SMG1: variants seen among roughly 807,000 people sequenced by gnomAD.
SMG1 encodes SMG1 nonsense mediated mRNA decay associated PI3K related kinase.
A neutral mutation model predicts 419.9 loss-of-function variants in SMG1; 22 were observed. The ratio of observed to expected loss-of-function variants is 0.05; its 90% confidence interval spans 0.04 to 0.07. SMG1 has a LOEUF of 0.07. SMG1 is among the 10% of genes least tolerant of loss of function. The pLI is 1.00. For synonymous variants in SMG1, 1,538 were observed against 1,553.5 expected, an observed-to-expected ratio of 0.99 and a Z score of 0.23; for missense variants, 3,185 against 4,342.0, an observed-to-expected ratio of 0.73 and a Z score of 7.49.
intron 25 of SMG1, chr16:18,861,606 C>T (rs1321609903): frequency 2.0e-5 from 3 of 152,252 alleles, no homozygotes; most frequent in Admixed American, 1.3e-4. Context: ...CTACCTAGAT[C>T]CGTGCAACCA....
At chr16:18,907,868 A>AAAAAG (rs1555505977) in intron 1 of SMG1, among the ~76,000 whole-genome samples, 6 of 142,778 alleles carry the variant, frequency 4.2e-5, no homozygotes, top group African/African-American at 1.1e-4. Context: ...AAAAAAAAAA[A>AAAAAG]AGAGACCCTA....
rs927745027 is a variant in SMG1, at chr16:18,877,071, A to G, written c.1620+60T>C. The G allele has an allele frequency of 1.2e-5, 15 of 1,229,926 alleles. No homozygotes were observed. The African/African-American group carries it at 1.9e-4, about 16-fold the overall frequency. 76.2% of individuals were successfully genotyped at this position (1,229,926 alleles called of 1,614,324 possible). A position where few individuals can be genotyped will look rare whatever the true frequency, so the allele number is the denominator to read the frequency against. On this transcript the variant is annotated intron_variant, in intron 12 of 62. Transcript: ENST00000446231. ...TCACTTATACAGCCTGGTAAGCAAC[A>G]TTAGGTCCAACTCTTCAGTGACTCA...
At position 18,807,265 on chromosome 16, in the gene SMG1, TA is replaced by T. The variant is rs1003325817; in HGVS notation, c.*2303del. 6.6e-6 allele frequency: 1 copy of T among 152,234 alleles called. No individual in the cohort carries two copies. The highest frequency in any genetic ancestry group is 1.5e-5 in the Non-Finnish European group (1 of 68,032). The allele number at this position is 152,234 out of a possible 1,614,324, so 9.4% of individuals were successfully genotyped here. A position where few individuals can be genotyped will look rare whatever the true frequency, so the allele number is the denominator to read the frequency against. On this transcript the variant is annotated 3_prime_UTR_variant, in exon 63 of 63. Coordinates refer to ENST00000446231, the MANE Select transcript of SMG1 (RefSeq NM_015092.5). ...TAATGTGAACTGACTATCATTGCGA[TA>T]AAAGTTTTTCCTTATGATGACAATA...
chr16:18,818,314 G>GAATCACT (rs2032202349), intron 56 of SMG1, among the ~76,000 whole-genome samples: 1 of 152,120 alleles, frequency 6.6e-6, no homozygotes, highest in Non-Finnish European at 1.5e-5. Flanking sequence ...GAACTCGGGA[G>GAATCACT]GCAGAGGTTG....
intron 37 of SMG1, 85 bp from the exon 38 acceptor site, chr16:18,847,692 G>A: frequency 6.3e-7 from 1 of 1,587,246 alleles, no homozygotes; most frequent in Non-Finnish European, 8.6e-7. Context: ...TAAGTTAAGT[G>A]TGTGCAATTG....
At chr16:18,875,744 CAGAA>C (rs1477806264) in intron 13 of SMG1, 27 of 279,090 alleles carry the variant, frequency 9.7e-5, no homozygotes, top group East Asian at 7.2e-4. Context: ...CTTCAGTAGA[CAGAA>C]AGAAAAAAGT....
chr16:18,849,925 T>C (rs769113621), intron 35 of SMG1, 24 bp downstream of exon 35: 92 of 1,595,760 alleles, frequency 5.8e-5, no homozygotes, highest in Non-Finnish European at 7.2e-5. Context: ...CTATTTTTCC[T>C]GAAACATTTT....
At position 18,838,418 on chromosome 16, in the gene SMG1, T is replaced by C; in HGVS notation, c.7133A>G (p.Asn2378Ser). 6.2e-7 allele frequency: 1 copy of C among 1,613,960 alleles called. No homozygotes were observed. Among genetic ancestry groups the C allele is most frequent in the Non-Finnish European group, 8.5e-7 (1 of 1,179,860 alleles). ...AGTTACACCCAGTGCTGTTTCAATG[T>C]TTTGTGTCATTCGAAAAGGTACTTT... is the stretch of plus-strand genomic sequence containing the variant. ...PEKVPFRMTQ[N>S]IETALGVTGV... Residue 2378 changes from asparagine to serine, a missense_variant, in exon 44 of 63, where the codon AAC becomes AGC. By Grantham distance (46) the Asn-to-Ser change is conservative. This residue lies in a region of SMG1 where 60 missense variants were observed against 133.9 expected (regional missense o/e 0.45). Coordinates refer to ENST00000446231, the MANE Select transcript of SMG1 (RefSeq NM_015092.5).
chr16:18,811,632 C>A lies in SMG1; in HGVS notation c.10908+129G>T. ...ACGCCAGAGCTGTGTTACTCAAAAT[C>A]TTCTGAATCCTGAAAACACATTTAA... On this transcript the variant is annotated intron_variant, in intron 62 of 62. Coordinates refer to ENST00000446231, the MANE Select transcript of SMG1 (RefSeq NM_015092.5). The A allele has an allele frequency of 1.4e-5, 12 of 874,892 alleles. No homozygotes were observed. The South Asian group carries it at 1.9e-4, about 14-fold the overall frequency. The allele number at this position is 874,892 out of a possible 1,614,324, so 54.2% of individuals were successfully genotyped here.
chr16:18,844,617 ACTTCATC>A (rs1938057158), intron 39 of SMG1, among the ~76,000 whole-genome samples: 1 of 137,944 alleles, frequency 7.2e-6, no homozygotes, highest in South Asian at 2.2e-4. Context: ...CACATAATAA[ACTTCATC>A]CTTCATGTTA....
At chr16:18,924,264 T>C (rs899020593) in intron 1 of SMG1, among the ~76,000 whole-genome samples, 3 of 152,304 alleles carry the variant, frequency 2.0e-5, no homozygotes, top group African/African-American at 7.2e-5. Flanking sequence ...CATAACTACA[T>C]AAGCCATTTG....
At chr16:18,831,128 A>G (rs1206323679) in intron 51 of SMG1, among the ~76,000 whole-genome samples, 1 of 152,150 alleles carries the variant, frequency 6.6e-6, no homozygotes, top group Non-Finnish European at 1.5e-5. Context: ...GGTCTTCAGA[A>G]ATTCACCCCT....
rs1012249970 is a variant in SMG1 at position 18,912,526 on chromosome 16, GATTA to G, written c.92+13420_92+13423del. The stretch of plus-strand genomic sequence containing the variant: ...ATATTAGAGTGGGGAGAACAATAAT[GATTA>G]ATTTTTACTTCTTCAGTAAGATTAC... On this transcript the variant is annotated intron_variant, in intron 1 of 62. Transcript: ENST00000446231. Among the ~76,000 whole-genome samples the G allele has an allele frequency of 1.6e-4, 25 of 152,002 alleles. 2 individuals carry two copies. In the East Asian group the frequency reaches 2.0e-3, roughly 12 times the overall value.
chr16:18,880,047 A>G (rs2036314521), intron 10 of SMG1, among the ~76,000 whole-genome samples: 1 of 152,172 alleles, frequency 6.6e-6, no homozygotes, highest in South Asian at 2.1e-4. Flanking sequence ...CACCACCACA[A>G]CAGTAATGGT....
Position 18,858,278 on chromosome 16 carries a change from G to A in SMG1, c.4126C>T (p.Pro1376Ser), listed in dbSNP as rs2035027688. ...NRLSTEDCLIPLFSEALRSCK... is the reference protein window; with the variant it reads ...NRLSTEDCLISLFSEALRSCK... ...GAACGTAAAGCTTCACTGAAGAGTG[G>A]AATAAGACAGTCCTGCCAGAGAAAA... Residue 1376 changes from proline to serine, a missense_variant, in exon 29 of 63, where the codon CCA becomes TCA. Physicochemically the swap from Pro to Ser is moderately conservative, Grantham distance 74. Coordinates refer to ENST00000446231, the MANE Select transcript of SMG1 (RefSeq NM_015092.5). The A allele has an allele frequency of 2.5e-6, 4 of 1,590,328 alleles. No individual in the cohort carries two copies. The highest frequency in any genetic ancestry group is 3.4e-6 in the Non-Finnish European group (4 of 1,173,448).
At chr16:18,910,743 C>T (rs1445889200) in intron 1 of SMG1, among the ~76,000 whole-genome samples, 2 of 152,046 alleles carry the variant, frequency 1.3e-5, no homozygotes, top group Non-Finnish European at 2.9e-5. Flanking sequence ...TGTGGTTCTT[C>T]TCCACCCCCT....
Position 18,812,097 on chromosome 16 carries a change from T to C in SMG1, c.10652A>G (p.Gln3551Arg). Residue 3551 changes from glutamine to arginine, a missense_variant, in exon 61 of 63, where the codon CAG becomes CGG. Coordinates refer to ENST00000446231, the MANE Select transcript of SMG1 (RefSeq NM_015092.5). ...AGCATTCTGTGACATGACATCAGGC[T>C]GAGTCTTCTGGCCAGTGTTACTCCG... ...AVRSNTGQKT[Q>R]PDVMSQNARK... 3.1e-6 allele frequency: 5 copies of C among 1,613,600 alleles called. No homozygotes were observed. Among genetic ancestry groups the C allele is most frequent in the Non-Finnish European group, 3.4e-6 (4 of 1,179,666 alleles).
chr16:18,876,710 C>A (rs1357432650), intron 12 of SMG1, among the ~76,000 whole-genome samples: 1 of 141,532 alleles, frequency 7.1e-6, no homozygotes, highest in Non-Finnish European at 1.5e-5. Flanking sequence ...CATATGCAAA[C>A]AGCAGTTTAA....
At chr16:18,851,405 A>G (rs13337084) in intron 33 of SMG1, among the ~76,000 whole-genome samples, 10,938 of 146,158 alleles carry the variant, frequency 0.075, 395 homozygotes, top group African/African-American at 0.11. Context: ...ACACACACAC[A>G]CACGCGCACG....
Sources: gnomAD v4.1 joint callset for allele counts (sites outside exome capture counted in the v4.1 genomes callset) on GRCh38, gnomAD v4.1.1 for gene constraint, gnomAD v4.1.1 regional missense constraint, MANE v1.5 for transcripts, NCBI Gene and HGNC (gene_info 2026-07-23, HGNC 2026-07-21) for gene names.